The following ANKS1B variants were observed in gnomAD, a reference collection of about 807,000 sequenced individuals.
ANKS1B encodes ankyrin repeat and sterile alpha motif domain containing 1B, also known as ankyrin repeat and sterile alpha motif domain-containing protein 1B.
ANKS1B carries 36 observed loss-of-function variants against 148.3 expected under a neutral mutation model. The observed-to-expected ratio is 0.24, with a 90% CI of 0.19 to 0.32. The LOEUF (loss-of-function observed/expected upper bound fraction) is 0.32, where lower values mean the gene tolerates loss of function less well. Among genes scored for constraint, ANKS1B ranks in the 10% least tolerant of loss-of-function variants. The pLI, the probability that ANKS1B is intolerant of heterozygous loss-of-function variation, is 1.00. For synonymous variants in ANKS1B, 542 were observed against 560.8 expected (o/e 0.97, Z 0.47); for missense variants, 1,157 against 1,542.6 (o/e 0.75, Z 4.19).
intron 10 of ANKS1B, among the ~76,000 whole-genome samples, chr12:99,446,367 C>A (rs148134023): frequency 6.6e-6 from 1 of 152,170 alleles, no homozygotes; most frequent in East Asian, 1.9e-4. Flanking sequence ...ATATTGAAGA[C>A]TGAGCAGGGA....
intron 1 of ANKS1B, among the ~76,000 whole-genome samples, chr12:99,829,686 C>T (rs938987563): frequency 6.6e-6 from 1 of 151,710 alleles, no homozygotes; most frequent in Non-Finnish European, 1.5e-5. Context: ...AATAATTAGC[C>T]AAGCGTGGTG....
At chr12:99,071,499 A>G (rs1464519012) in intron 16 of ANKS1B, among the ~76,000 whole-genome samples, 1 of 152,220 alleles carries the variant, frequency 6.6e-6, no homozygotes, top group Non-Finnish European at 1.5e-5. Flanking sequence ...AACTAAATGG[A>G]ACTACACTGT....
chr12:99,618,139 T>G (rs879438647), intron 9 of ANKS1B, among the ~76,000 whole-genome samples: 4 of 152,156 alleles, frequency 2.6e-5, no homozygotes, highest in Admixed American at 1.3e-4. Flanking sequence ...TTCCTGTCAT[T>G]AGGTATCAAC....
chr12:99,374,331 T>C (rs906432668), intron 12 of ANKS1B, among the ~76,000 whole-genome samples: 3 of 152,160 alleles, frequency 2.0e-5, no homozygotes, highest in African/African-American at 7.2e-5. Flanking sequence ...CGTGTCTGGA[T>C]GGATTTTCTC....
At chr12:99,387,874 T>TTTTTTTTTTTTTTTTTTTTTTTTTTTTG (rs1310198385) in intron 12 of ANKS1B, among the ~76,000 whole-genome samples, 7 of 151,876 alleles carry the variant, frequency 4.6e-5, no homozygotes, top group African/African-American at 1.5e-4. Context: ...AATTGTAATT[T>TTTTTTTTTTTTTTTTTTTTTTTTTTTTG]ACCAAGTAGA....
rs397850118 is a variant in ANKS1B at position 98,802,594 on chromosome 12, C to CTTTTTTT, written c.3142-1476_3142-1470dup. Among the ~76,000 whole-genome samples the CTTTTTTT allele has an allele frequency of 3.0e-3, 104 of 34,788 alleles. 31 individuals are homozygous for CTTTTTTT. The highest frequency in any genetic ancestry group is 3.8e-3 in the Non-Finnish European group (75 of 19,694). 22.8% of individuals were successfully genotyped at this position (34,788 alleles called of 152,430 possible). A position where few individuals can be genotyped will look rare whatever the true frequency, so the allele number is the denominator to read the frequency against. On this transcript the variant is annotated intron_variant, in intron 20 of 26. Coordinates refer to ENST00000683438, the MANE Select transcript of ANKS1B (RefSeq NM_001352186.2). ...CTAGAGGACTTCAGTAATGCACAGG[C>CTTTTTTT]TTTTTTTTTTTTTTTTTTTTTTTTT...
chr12:99,308,080 C>T (rs189375442), intron 12 of ANKS1B, among the ~76,000 whole-genome samples: 10 of 151,872 alleles, frequency 6.6e-5, no homozygotes, highest in African/African-American at 2.2e-4. Context: ...GATTGTGACT[C>T]GTTTAACTAT....
intron 4 of ANKS1B, among the ~76,000 whole-genome samples, chr12:99,788,109 C>T (rs2065196129): frequency 6.6e-6 from 1 of 152,176 alleles, no homozygotes; most frequent in African/African-American, 2.4e-5. Context: ...AGCCAGTAGA[C>T]AAGATTGGCG....
intron 1 of ANKS1B, among the ~76,000 whole-genome samples, chr12:99,915,227 A>AC (rs1014512013): frequency 2.7e-5 from 4 of 148,106 alleles, no homozygotes; most frequent in Non-Finnish European, 6.0e-5. Flanking sequence ...AGCTGTCTCA[A>AC]AAAAAAAAAA....
At chr12:99,253,906 T>C (rs577893686) in intron 12 of ANKS1B, among the ~76,000 whole-genome samples, 88 of 152,316 alleles carry the variant, frequency 5.8e-4, no homozygotes, top group South Asian at 1.2e-3. Flanking sequence ...CTGCCAAAGA[T>C]GTACAACCTA....
chr12:99,460,215 T>A (rs2152851582), intron 10 of ANKS1B, among the ~76,000 whole-genome samples: 1 of 152,190 alleles, frequency 6.6e-6, no homozygotes, highest in Non-Finnish European at 1.5e-5. Context: ...GCAAGCCACG[T>A]AAAAGAATGA....
At chr12:98,975,600 T>C (rs2099893659) in intron 17 of ANKS1B, among the ~76,000 whole-genome samples, 5 of 152,088 alleles carry the variant, frequency 3.3e-5, no homozygotes, top group Admixed American at 3.3e-4. Context: ...TACTATTATG[T>C]GGTGAAAAAT....
chr12:99,122,832 G>A (rs762322209), intron 15 of ANKS1B, among the ~76,000 whole-genome samples: 8 of 151,942 alleles, frequency 5.3e-5, no homozygotes, highest in Non-Finnish European at 8.8e-5. Context: ...GTAAAGCCAA[G>A]GTAGAGGGTT....
intron 1 of ANKS1B, among the ~76,000 whole-genome samples, chr12:99,836,001 C>A (rs1179852020): frequency 1.3e-5 from 2 of 152,080 alleles, no homozygotes; most frequent in East Asian, 3.8e-4. Flanking sequence ...ACATACTATC[C>A]CATATGAGTT....
intron 17 of ANKS1B, among the ~76,000 whole-genome samples, chr12:98,975,647 G>T (rs577334259): frequency 4.2e-4 from 63 of 151,786 alleles, no homozygotes; most frequent in Admixed American, 2.8e-3. Flanking sequence ...ATTTTTGTTT[G>T]GTTTTTTTTT....
At chr12:98,809,841 C>T (rs1201137184) in intron 19 of ANKS1B, among the ~76,000 whole-genome samples, 1 of 152,062 alleles carries the variant, frequency 6.6e-6, no homozygotes, top group Non-Finnish European at 1.5e-5. Flanking sequence ...CTCATTATAC[C>T]TCCTCTTTTT....
chr12:98,972,024 C>T (rs149851684), intron 17 of ANKS1B, among the ~76,000 whole-genome samples: 2,054 of 152,160 alleles, frequency 0.013, 54 homozygotes, highest in African/African-American at 0.047. Flanking sequence ...AAAAATTAGC[C>T]GGGCGTGGTG....
chr12:98,742,456 A>G (rs750857642), downstream of ANKS1B, among the ~76,000 whole-genome samples: 7 of 152,136 alleles, frequency 4.6e-5, no homozygotes, highest in Non-Finnish European at 8.8e-5. Flanking sequence ...TTGCACACTG[A>G]GTGCAATATG....
intron 17 of ANKS1B, among the ~76,000 whole-genome samples, chr12:98,964,489 C>T (rs2099876101): frequency 6.6e-6 from 1 of 152,176 alleles, no homozygotes; most frequent in Admixed American, 6.5e-5. Context: ...GAAGATATGT[C>T]TTATCTCTGT....
Sources: gnomAD v4.1 joint callset for allele counts (sites outside exome capture counted in the v4.1 genomes callset) on GRCh38, gnomAD v4.1.1 for gene constraint, MANE v1.5 for transcripts, NCBI Gene and HGNC (gene_info 2026-07-23, HGNC 2026-07-21) for gene names.